The following WDPCP variants were observed in gnomAD, a reference collection of about 807,000 sequenced individuals.
The protein encoded by WDPCP is WD repeat-containing and planar cell polarity effector protein fritz homolog.
WDPCP carries 71 observed loss-of-function variants against 93.1 expected under a neutral mutation model. That is an observed-to-expected ratio of 0.76 (90% CI 0.63 to 0.93). WDPCP has a LOEUF of 0.93. Ranked by LOEUF, WDPCP falls within the 40% of genes least tolerant of loss-of-function variation. The pLI is 0.00. For missense variants in WDPCP, 844 were observed against 887.4 expected (o/e 0.95, Z 0.62); for synonymous variants, 315 against 315.0 (o/e 1.00, Z 0.00).
intron 1 of WDPCP, among the ~76,000 whole-genome samples, chr2:63,561,048 C>A (rs1706574845): frequency 6.6e-6 from 1 of 152,210 alleles, no homozygotes; most frequent in South Asian, 2.1e-4. Context: ...CCCTTTCCTA[C>A]ACCTTATGCA....
At chr2:63,581,218 T>C (rs1008675381) in intron 1 of WDPCP, among the ~76,000 whole-genome samples, 9 of 152,088 alleles carry the variant, frequency 5.9e-5, no homozygotes, top group African/African-American at 1.9e-4. Flanking sequence ...GAATGTACAG[T>C]GCAAGGAAGG....
chr2:63,449,695 T>G (rs2105622332), intron 6 of WDPCP, among the ~76,000 whole-genome samples: 1 of 152,230 alleles, frequency 6.6e-6, no homozygotes, highest in Non-Finnish European at 1.5e-5. Flanking sequence ...GAGAGGGCAC[T>G]ACACCAGACA....
intron 17 of WDPCP, among the ~76,000 whole-genome samples, chr2:63,150,964 C>CA (rs1671848916): frequency 6.6e-6 from 1 of 152,128 alleles, no homozygotes; most frequent in Non-Finnish European, 1.5e-5. Context: ...AAACAAGAAA[C>CA]CAGAGCACTG....
At chr2:63,807,141 T>C (rs1670779184) in intron 2 of WDPCP, among the ~76,000 whole-genome samples, 1 of 152,328 alleles carries the variant, frequency 6.6e-6, no homozygotes, top group East Asian at 1.9e-4. Flanking sequence ...CTAATAAATG[T>C]CCATGAAATC....
chr2:63,432,135 AGAG>A (rs2105451450), intron 9 of WDPCP, among the ~76,000 whole-genome samples: 1 of 152,270 alleles, frequency 6.6e-6, no homozygotes, highest in Non-Finnish European at 1.5e-5. Flanking sequence ...ACTGTTACAG[AGAG>A]GAGAAAAGGA....
At position 63,292,453 on chromosome 2, in the gene WDPCP, T is replaced by C. The variant is rs1340177032; in HGVS notation, c.1812+20795A>G. Among the ~76,000 whole-genome samples the C allele has an allele frequency of 3.3e-5, 5 of 152,196 alleles. No individual in the cohort carries two copies. The East Asian group carries it at 9.6e-4, about 29-fold the overall frequency. ...ATAAGACATGTTTAATGTGGGATTT[T>C]ATACAAATGCCCAATGAGGATGCTT... is the stretch of plus-strand genomic sequence containing the variant. On this transcript the variant is annotated intron_variant, in intron 13 of 17. Coordinates refer to ENST00000272321, the MANE Select transcript of WDPCP (RefSeq NM_015910.7).
At chr2:63,225,660 G>T (rs1285523467) in intron 14 of WDPCP, among the ~76,000 whole-genome samples, 3 of 151,772 alleles carry the variant, frequency 2.0e-5, no homozygotes, top group African/African-American at 4.8e-5. Context: ...GGTATACAGT[G>T]GGATAATATA....
At chr2:63,169,672 T>C (rs2103964880) in intron 15 of WDPCP, among the ~76,000 whole-genome samples, 2 of 152,298 alleles carry the variant, frequency 1.3e-5, no homozygotes, top group South Asian at 4.1e-4. Context: ...ATTTTTTCTT[T>C]TTCAAGGAAT....
intron 9 of WDPCP, among the ~76,000 whole-genome samples, chr2:63,420,988 C>G (rs960104079): frequency 3.9e-5 from 6 of 152,144 alleles, no homozygotes; most frequent in Admixed American, 3.3e-4. Context: ...GTGTAGGACA[C>G]TCACCTTCAA....
At chr2:63,808,540 C>T (rs964999125) in intron 2 of WDPCP, among the ~76,000 whole-genome samples, 4 of 152,220 alleles carry the variant, frequency 2.6e-5, no homozygotes, top group Non-Finnish European at 5.9e-5. Context: ...GACGGGGTTT[C>T]GCTGTGTTGG....
chr2:63,406,185 C>A (rs1034156000), intron 9 of WDPCP, among the ~76,000 whole-genome samples: 1 of 152,114 alleles, frequency 6.6e-6, no homozygotes, highest in Non-Finnish European at 1.5e-5. Context: ...CCATCCTACA[C>A]CTTATCACCA....
intron 1 of WDPCP, among the ~76,000 whole-genome samples, chr2:63,507,779 A>T (rs1396586960): frequency 6.6e-6 from 1 of 152,158 alleles, no homozygotes; most frequent in African/African-American, 2.4e-5. Context: ...CGAGAACTTC[A>T]TGAAGCATAC....
intron 2 of WDPCP, among the ~76,000 whole-genome samples, chr2:63,766,154 A>T (rs890073269): frequency 6.6e-6 from 1 of 152,246 alleles, no homozygotes; most frequent in Non-Finnish European, 1.5e-5. Flanking sequence ...AGCAGTTCTC[A>T]GCTAACCCAA....
At chr2:63,653,448 T>C (rs1036131173) in intron 2 of WDPCP, among the ~76,000 whole-genome samples, 1 of 152,154 alleles carries the variant, frequency 6.6e-6, no homozygotes, top group Non-Finnish European at 1.5e-5. Context: ...AAACTAGACC[T>C]AGAGTAAGGC....
chr2:63,536,728 A>G (rs1420051978), intron 1 of WDPCP, among the ~76,000 whole-genome samples: 2 of 151,672 alleles, frequency 1.3e-5, no homozygotes, highest in African/African-American at 2.4e-5. Context: ...GAAAGATAAA[A>G]ACAAACAACC....
chr2:63,590,054 C>T (rs1709147038), upstream of WDPCP: 1 of 152,708 alleles, frequency 6.5e-6, no homozygotes, highest in Non-Finnish European at 1.5e-5. Flanking sequence ...GCCTGTCTAA[C>T]GGGGCCAGTG....
intron 15 of WDPCP, among the ~76,000 whole-genome samples, chr2:63,171,481 T>C (rs1309222916): frequency 1.3e-5 from 2 of 152,170 alleles, no homozygotes; most frequent in South Asian, 4.1e-4. Flanking sequence ...TACAATTAGA[T>C]ACCATTCTTC....
intron 1 of WDPCP, among the ~76,000 whole-genome samples, chr2:63,574,895 C>T (rs1049186149): frequency 1.3e-5 from 2 of 152,132 alleles, no homozygotes; most frequent in Non-Finnish European, 2.9e-5. Flanking sequence ...GGATATTCAT[C>T]AGTTTTGCCA....
chr2:63,557,558 A>G (rs1034320564), intron 1 of WDPCP, among the ~76,000 whole-genome samples: 1 of 152,218 alleles, frequency 6.6e-6, no homozygotes, highest in African/African-American at 2.4e-5. Context: ...ACACAATAAC[A>G]GCTAGAGACT....
Sources: gnomAD v4.1 joint callset for allele counts (sites outside exome capture counted in the v4.1 genomes callset) on GRCh38, gnomAD v4.1.1 for gene constraint, MANE v1.5 for transcripts, NCBI Gene and HGNC (gene_info 2026-07-23, HGNC 2026-07-21) for gene names.